Variants in NCALD observed in about 807,000 individuals in gnomAD.
NCALD encodes the protein neurocalcin delta, also known as neurocalcin-delta.
A neutral mutation model predicts 18.6 loss-of-function variants in NCALD; 10 were observed. The observed-to-expected ratio is 0.54, with a 90% CI of 0.33 to 0.91. The LOEUF (loss-of-function observed/expected upper bound fraction) is 0.91. Ranked by LOEUF, NCALD falls within the 40% of genes least tolerant of loss-of-function variation. The pLI is 0.03. For synonymous variants in NCALD, 88 were observed against 87.4 expected (o/e 1.01, Z -0.04); for missense variants, 184 against 247.6 (o/e 0.74, Z 1.72).
At chr8:102,106,470 C>T (rs931160366) in intron 1 of NCALD, among the ~76,000 whole-genome samples, 1,566 of 119,512 alleles carry the variant, frequency 0.013, 5 homozygotes, top group Middle Eastern at 0.028. Flanking sequence ...TATATATACA[C>T]ACACACACAC....
intron 4 of NCALD, among the ~76,000 whole-genome samples, chr8:101,877,864 T>C (rs1816293877): frequency 1.3e-5 from 2 of 152,180 alleles, no homozygotes; most frequent in South Asian, 4.1e-4. Context: ...AAGCAAATAC[T>C]GCAGTTAGCA....
intron 4 of NCALD, among the ~76,000 whole-genome samples, chr8:101,855,579 A>T (rs1815281761): frequency 6.6e-6 from 1 of 152,176 alleles, no homozygotes; most frequent in Non-Finnish European, 1.5e-5. Flanking sequence ...AAAGACATGG[A>T]TATACTCAAG....
At chr8:102,056,446 C>T (rs911437760) in intron 1 of NCALD, among the ~76,000 whole-genome samples, 1 of 152,166 alleles carries the variant, frequency 6.6e-6, no homozygotes, top group Non-Finnish European at 1.5e-5. Flanking sequence ...CCCTTGCACA[C>T]CTACATTTCA....
At position 101,976,935 on chromosome 8, in the gene NCALD, G is replaced by A. The variant is rs1370306824; in HGVS notation, c.-157+43302C>T. 2.0e-5 allele frequency among the ~76,000 whole-genome samples: 3 copies of A among 152,086 alleles called. No homozygotes were observed. The East Asian group carries it at 5.8e-4, about 29-fold the overall frequency. The stretch of plus-strand genomic sequence containing the variant: ...CAAAGGGGCAGGAGTGAGGAAAGAG[G>A]AAGTGGGGGCCAGGGACAGTGCCAG... On this transcript the variant is annotated intron_variant, in intron 2 of 6. Transcript: ENST00000311028.
rs556995051 is a variant in NCALD at position 102,002,423 on chromosome 8, T to A, written c.-157+17814A>T. ...AGAGACTTAGACTCCCACACAATAATAATGGGAGACTTTAACACCCCACTG... is the reference window on the plus strand; with the variant it reads ...AGAGACTTAGACTCCCACACAATAAAAATGGGAGACTTTAACACCCCACTG... On this transcript the variant is annotated intron_variant, in intron 2 of 6. Transcript: ENST00000311028. Among the ~76,000 whole-genome samples the A allele has an allele frequency of 5.1e-3, 779 of 152,200 alleles. 11 individuals are homozygous for A. Among genetic ancestry groups the A allele is most frequent in the African/African-American group, 0.017 (721 of 41,514 alleles).
chr8:101,955,453 A>G (rs890659801), intron 2 of NCALD, among the ~76,000 whole-genome samples: 1 of 152,214 alleles, frequency 6.6e-6, no homozygotes, highest in Non-Finnish European at 1.5e-5. Flanking sequence ...GTCACAGATC[A>G]TTAATAATTA....
intron 1 of NCALD, among the ~76,000 whole-genome samples, chr8:102,060,286 T>C (rs971160580): frequency 2.0e-5 from 3 of 152,178 alleles, no homozygotes; most frequent in Admixed American, 1.3e-4. Flanking sequence ...CGGCCTGAAG[T>C]TGTATTTCTG....
At chr8:101,892,236 C>A (rs1816931939) in intron 3 of NCALD, among the ~76,000 whole-genome samples, 1 of 148,532 alleles carries the variant, frequency 6.7e-6, no homozygotes, top group Non-Finnish European at 1.5e-5. Flanking sequence ...CTGGGAGGCA[C>A]CCCCAAGCAG....
chr8:101,858,541 G>A lies in NCALD; in HGVS notation c.-20+28600C>T, dbSNP rs749456066. 4.6e-5 allele frequency among the ~76,000 whole-genome samples: 7 copies of A among 152,238 alleles called. No individual in the cohort carries two copies. The South Asian group carries it at 8.3e-4, about 18-fold the overall frequency. On this transcript the variant is annotated intron_variant, in intron 4 of 6. Transcript: ENST00000311028. ...AGACTGAACCGGAGATGTTCTGAACGAAAGGCACAGCAGGGAGTGGGAGTA... is the reference window on the plus strand; with the variant it reads ...AGACTGAACCGGAGATGTTCTGAACAAAAGGCACAGCAGGGAGTGGGAGTA...
chr8:101,937,186 C>T (rs1818794636), intron 2 of NCALD, among the ~76,000 whole-genome samples: 2 of 139,954 alleles, frequency 1.4e-5, no homozygotes, highest in Admixed American at 1.5e-4. Flanking sequence ...GGTCACATCT[C>T]TTTTTTAACT....
At chr8:102,108,970 G>A (rs1017111631) in intron 1 of NCALD, among the ~76,000 whole-genome samples, 5 of 152,142 alleles carry the variant, frequency 3.3e-5, no homozygotes, top group East Asian at 3.8e-4. Flanking sequence ...GCTCAGCCTC[G>A]TCCCCTGTAA....
At chr8:102,112,376 C>T (rs944916280) in intron 1 of NCALD, among the ~76,000 whole-genome samples, 1 of 152,114 alleles carries the variant, frequency 6.6e-6, no homozygotes, top group Non-Finnish European at 1.5e-5. Flanking sequence ...TAATCCAGCT[C>T]CAGAAGGGAT....
chr8:101,746,907 A>G (rs1005542347), intron 1 of NCALD, among the ~76,000 whole-genome samples: 10 of 152,268 alleles, frequency 6.6e-5, no homozygotes, highest in South Asian at 2.1e-4. Context: ...CCCTGATGGA[A>G]TTACAACCTG....
At chr8:101,769,522 C>T (rs1386502708) in intron 1 of NCALD, among the ~76,000 whole-genome samples, 1 of 152,078 alleles carries the variant, frequency 6.6e-6, no homozygotes, top group African/African-American at 2.4e-5. Flanking sequence ...GTGCCATCCT[C>T]GAAGTGGCTC....
chr8:101,982,710 A>T (rs1306518672), intron 2 of NCALD, among the ~76,000 whole-genome samples: 1 of 152,036 alleles, frequency 6.6e-6, no homozygotes, highest in East Asian at 1.9e-4. Context: ...GTGTGGTGGC[A>T]CACGCCTGTA....
intron 2 of NCALD, among the ~76,000 whole-genome samples, chr8:101,711,154 A>G (rs1444607859): frequency 6.6e-6 from 1 of 152,212 alleles, no homozygotes; most frequent in African/African-American, 2.4e-5. Flanking sequence ...AGCAAACTCC[A>G]GCAGACCTGC....
In NCALD at chr8:101,689,390, T is replaced by C; in HGVS notation, c.501A>G (p.Glu167=). 6.2e-7 allele frequency: 1 copy of C among 1,608,938 alleles called. No homozygotes were observed. Among genetic ancestry groups the C allele is most frequent in the African/African-American group, 1.3e-5 (1 of 74,946 alleles). Residue 167 remains glutamate (E), a synonymous_variant, in exon 4 of 4, where the codon GAA becomes GAG. Coordinates refer to ENST00000220931, the MANE Select transcript of NCALD (RefSeq NM_032041.3). The surrounding 1 kb of genome is among the most constrained non-coding windows in gnomAD (Gnocchi z 4.4). ...CGCTTTTGGCTCCTCGGATGAACTCTTCCAGGGAGAGTTTTCCTAGGAAGC... is the reference window on the plus strand; with the variant it reads ...CGCTTTTGGCTCCTCGGATGAACTCCTCCAGGGAGAGTTTTCCTAGGAAGC... ...DTNRDGKLSL[E]EFIRGAKSDP...
intron 2 of NCALD, among the ~76,000 whole-genome samples, chr8:101,966,932 T>C (rs1311336228): frequency 2.6e-5 from 4 of 152,096 alleles, no homozygotes; most frequent in Admixed American, 6.6e-5. Context: ...TGAAAAATAA[T>C]AATGAAATAA....
chr8:101,866,801 C>T (rs472638), intron 4 of NCALD, among the ~76,000 whole-genome samples: 39,756 of 152,002 alleles, frequency 0.26, 5,605 homozygotes, highest in East Asian at 0.38. Flanking sequence ...GGCCTCCTAA[C>T]TGGTGTCGCT....
Sources: gnomAD v4.1 joint callset for allele counts (sites outside exome capture counted in the v4.1 genomes callset) on GRCh38, gnomAD v4.1.1 for gene constraint, Gnocchi (gnomAD v3.1) non-coding constraint, MANE v1.5 for transcripts, NCBI Gene and HGNC (gene_info 2026-07-23, HGNC 2026-07-21) for gene names.